Variants in LTBP2 observed in about 807,000 individuals in gnomAD.
LTBP2 encodes latent transforming growth factor beta binding protein 2.
LTBP2 carries 103 observed loss-of-function variants against 210.6 expected under a neutral mutation model. The ratio of observed to expected loss-of-function variants is 0.49; its 90% CI spans 0.42 to 0.58. LTBP2 has a LOEUF of 0.58. Ranked by LOEUF, LTBP2 falls within the 20% of genes least tolerant of loss-of-function variation. The pLI is 0.00. For missense variants in LTBP2, 2,313 were observed against 2,494.5 expected (o/e 0.93, Z 1.55); for synonymous variants, 1,007 against 1,015.0 (o/e 0.99, Z 0.15).
chr14:74,514,085 G>A (rs536794497), intron 18 of LTBP2, among the ~76,000 whole-genome samples: 5 of 152,190 alleles, frequency 3.3e-5, no homozygotes, highest in East Asian at 1.9e-4. Context: ...GGAAGATTCC[G>A]AATGAAGCAG....
chr14:74,527,178 G>A (rs1182929278), intron 13 of LTBP2, among the ~76,000 whole-genome samples, 169 bp downstream of exon 13: 5 of 152,188 alleles, frequency 3.3e-5, no homozygotes, highest in Non-Finnish European at 7.4e-5. Context: ...GTAAAACTGG[G>A]TCTTTGGATC....
intron 8 of LTBP2, among the ~76,000 whole-genome samples, chr14:74,545,997 T>C (rs2087570861): frequency 6.6e-6 from 1 of 152,200 alleles, no homozygotes; most frequent in Admixed American, 6.5e-5. Flanking sequence ...TTCAAGGCAG[T>C]CCTTTTCCAT....
chr14:74,607,155 G>C (rs2088538087), intron 1 of LTBP2, among the ~76,000 whole-genome samples: 1 of 152,190 alleles, frequency 6.6e-6, no homozygotes, highest in South Asian at 2.1e-4. Flanking sequence ...AACAATCTGA[G>C]TTACATGGTG....
At chr14:74,574,343 T>C (rs1431535070) in intron 3 of LTBP2, among the ~76,000 whole-genome samples, 1 of 152,188 alleles carries the variant, frequency 6.6e-6, no homozygotes, top group Non-Finnish European at 1.5e-5. Context: ...ACTAAGGCCA[T>C]GATGAGCTCT....
chr14:74,577,267 C>A (rs1321819058), intron 3 of LTBP2, among the ~76,000 whole-genome samples: 1 of 152,168 alleles, frequency 6.6e-6, no homozygotes, highest in Non-Finnish European at 1.5e-5. Flanking sequence ...TTTGAGTTAA[C>A]CCCGCAGAGA....
chr14:74,504,462 G>C (rs1366308798), intron 30 of LTBP2, among the ~76,000 whole-genome samples: 1 of 152,234 alleles, frequency 6.6e-6, no homozygotes, highest in Non-Finnish European at 1.5e-5. Context: ...CTGGCCTCTA[G>C]AGCAGTGCTC....
In LTBP2 at chr14:74,509,841, C is replaced by T; in HGVS notation, c.3170G>A (p.Ser1057Asn). ...KGCQDVDECA[S>N]RASCPTGLCL... is the part of the protein sequence containing the mutation. ...GAGGCCTGTGGGGCATGAGGCCCGG[C>T]TGGCACACTCATCCACATCTGAAAT... Residue 1057 changes from serine (S) to asparagine (N), a missense_variant, in exon 21 of 36, where the codon AGC becomes AAC. This residue lies in a region of LTBP2 where 1,867 missense variants were observed against 1,976.9 expected (regional missense o/e 0.94). Transcript: ENST00000261978. 6.2e-7 allele frequency: 1 copy of T among 1,613,984 alleles called. No homozygotes were observed. Among genetic ancestry groups the T allele is most frequent in the East Asian group, 2.2e-5 (1 of 44,854 alleles).
At position 74,521,779 on chromosome 14, in the gene LTBP2, C is replaced by G. The variant is rs1049493691; in HGVS notation, c.2788+132G>C. ...CAGATCCAGGCTGGAGTTCTGGTCTCTCCTCCTTCACTCCTTCAGCTGCCC... is the reference window on the plus strand; with the variant it reads ...CAGATCCAGGCTGGAGTTCTGGTCTGTCCTCCTTCACTCCTTCAGCTGCCC... On this transcript the variant is annotated intron_variant, in intron 17 of 35. Transcript: ENST00000261978. 6.3e-6 allele frequency: 8 copies of G among 1,263,644 alleles called. No homozygotes were observed. In the South Asian group the frequency reaches 8.5e-5, roughly 13 times the overall value. The allele number at this position is 1,263,644 out of a possible 1,614,324, so 78.3% of individuals were successfully genotyped here.
rs1267245431 is a variant in LTBP2, at chr14:74,612,224, G to A, written c.-280C>T. On this transcript the variant is annotated 5_prime_UTR_variant, in exon 1 of 36. Transcript: ENST00000261978. ...GCAGCCGTCTGAAGGGGACCCGGAC[G>A]GTTTTATTTTTGGAAACCTCCCCCG... 1 of 435,686 alleles carries A rather than the reference G, an allele frequency of 2.3e-6. No homozygotes were observed. Among genetic ancestry groups the A allele is most frequent in the Non-Finnish European group, 4.0e-6 (1 of 248,134 alleles). 27.0% of individuals were successfully genotyped at this position (435,686 alleles called of 1,614,324 possible). A position where few individuals can be genotyped will look rare whatever the true frequency, so the allele number is the denominator to read the frequency against.
chr14:74,602,610 A>T (rs570865940), intron 2 of LTBP2, among the ~76,000 whole-genome samples: 4 of 152,346 alleles, frequency 2.6e-5, no homozygotes, highest in African/African-American at 9.6e-5. Context: ...CACCCGCCAC[A>T]GAGGATGTTT....
chr14:74,576,749 A>G (rs374829796), intron 3 of LTBP2, among the ~76,000 whole-genome samples: 16 of 151,892 alleles, frequency 1.1e-4, no homozygotes, highest in African/African-American at 3.9e-4. Flanking sequence ...AAATTAAAAG[A>G]TTTCCTCTAA....
At chr14:74,541,990 T>C (rs750600641) in intron 8 of LTBP2, among the ~76,000 whole-genome samples, 3 of 151,352 alleles carry the variant, frequency 2.0e-5, no homozygotes, top group African/African-American at 4.9e-5. Context: ...GGAGAGAGAG[T>C]GGCTAAGCTG....
intron 26 of LTBP2, 33 bp downstream of exon 26, chr14:74,507,146 C>A: frequency 6.2e-7 from 1 of 1,613,990 alleles, no homozygotes; most frequent in South Asian, 1.1e-5. Flanking sequence ...TTTTCTCAGC[C>A]CTCTCTCCTC....
Position 74,505,029 on chromosome 14 carries a change from GCC to G in LTBP2, c.4321_4322del (p.Gly1441ArgfsTer2). The part of the protein sequence containing the change: ...TTQAECCCTQ[G>X]ASWGDACDLC... The stretch of plus-strand genomic sequence containing the variant: ...GGTCACAGGCATCTCCCCAGCTAGC[GCC>G]CTGGGTGCAGCAGCATTCAGCCTGT... On this transcript the variant is annotated frameshift_variant, in exon 29 of 36. Transcript: ENST00000261978. LOFTEE classifies it high-confidence loss of function. 6.2e-7 allele frequency: 1 copy of G among 1,614,170 alleles called. No homozygotes were observed. The highest frequency in any genetic ancestry group is 1.1e-5 in the South Asian group (1 of 91,086).
At chr14:74,555,330 C>A (rs2087714757) in intron 4 of LTBP2, among the ~76,000 whole-genome samples, 173 bp downstream of exon 4, 1 of 152,090 alleles carries the variant, frequency 6.6e-6, no homozygotes, top group Admixed American at 6.5e-5. Context: ...CGGTTTAGGA[C>A]CCCTGGACCC....
chr14:74,557,597 C>A (rs1313123828), intron 3 of LTBP2, among the ~76,000 whole-genome samples: 1 of 152,188 alleles, frequency 6.6e-6, no homozygotes, highest in African/African-American at 2.4e-5. Context: ...CCTTTGACAT[C>A]TTAACTGCTT....
chr14:74,562,984 C>G (rs1285481888), intron 3 of LTBP2, among the ~76,000 whole-genome samples: 1 of 152,168 alleles, frequency 6.6e-6, no homozygotes, highest in East Asian at 1.9e-4. Flanking sequence ...GCTTGTGTAT[C>G]TGCAAGTGTA....
In LTBP2 at chr14:74,502,707, C is replaced by G. The variant is rs1566611447; in HGVS notation, c.5116G>C (p.Glu1706Gln). The G allele has an allele frequency of 1.9e-6, 3 of 1,614,058 alleles. No homozygotes were observed. The highest frequency in any genetic ancestry group is 1.3e-5 in the African/African-American group (1 of 74,918). Reference sequence around the variant, plus strand: ...AGTTCTGAGGGCTGCAAAGGAGACTCAAGGATGGGTGTGCGGTCCGCTGAG... The same window carrying G: ...AGTTCTGAGGGCTGCAAAGGAGACTGAAGGATGGGTGTGCGGTCCGCTGAG... ...GHSADRTPIL[E>Q]SPLQPSELQP... is the part of the protein sequence containing the mutation. Residue 1706 changes from glutamate to glutamine, a missense_variant, in exon 34 of 36, where the codon GAG (glutamate) becomes CAG (glutamine). By Grantham distance (29) the Glu-to-Gln change is conservative. Coordinates refer to ENST00000261978, the MANE Select transcript of LTBP2 (RefSeq NM_000428.3).
intron 15 of LTBP2, among the ~76,000 whole-genome samples, 177 bp downstream of exon 15, chr14:74,524,947 T>C (rs1470718389): frequency 6.6e-6 from 1 of 152,168 alleles, no homozygotes; most frequent in African/African-American, 2.4e-5. Context: ...AGGGACCCTG[T>C]GTTCTTTGTA....
Sources: gnomAD v4.1 joint callset for allele counts (sites outside exome capture counted in the v4.1 genomes callset) on GRCh38, gnomAD v4.1.1 for gene constraint, gnomAD v4.1.1 regional missense constraint, MANE v1.5 for transcripts, NCBI Gene and HGNC (gene_info 2026-07-23, HGNC 2026-07-21) for gene names.